The following SEPTIN9 variants were observed in gnomAD, a reference collection of about 807,000 sequenced individuals.
The protein encoded by SEPTIN9 is septin-9.
In SEPTIN9, 13 loss-of-function variants were observed where a neutral mutation model predicts 56.6. The observed-to-expected ratio is 0.23, with a 90% CI of 0.15 to 0.37. The LOEUF is 0.37. Ranked by LOEUF, SEPTIN9 falls within the 10% of genes least tolerant of loss-of-function variation. SEPTIN9 has a pLI of 1.00. For missense variants in SEPTIN9, 650 were observed against 823.1 expected, an observed-to-expected ratio of 0.79 and a Z score of 2.57; for synonymous variants, 332 against 334.1, an observed-to-expected ratio of 0.99 and a Z score of 0.07.
rs1361215095 is a variant in SEPTIN9, at chr17:77,456,016, T to C, written c.722-26128T>C. On this transcript the variant is annotated intron_variant, in intron 3 of 11. Coordinates refer to ENST00000427177, the MANE Select transcript of SEPTIN9 (RefSeq NM_001113491.2). The surrounding 1 kb of genome is among the most constrained non-coding windows in gnomAD (Gnocchi z 6.0). ...GGAAGATTCCCGGCACCGCTTCCCA[T>C]GCGCCACGTGACTAGGAGGGTCTTG... is the stretch of plus-strand genomic sequence containing the variant. Among the ~76,000 whole-genome samples the C allele has an allele frequency of 6.6e-6, 1 of 152,174 alleles. No homozygotes were observed. The highest frequency in any genetic ancestry group is 1.5e-5 in the Non-Finnish European group (1 of 68,024).
intron 2 of SEPTIN9, among the ~76,000 whole-genome samples, chr17:77,354,599 G>C (rs1239294272): frequency 6.6e-6 from 1 of 152,164 alleles, no homozygotes; most frequent in Non-Finnish European, 1.5e-5. Flanking sequence ...GGCCGCTGCC[G>C]GGTGGACAGG....
At position 77,497,192 on chromosome 17, in the gene SEPTIN9, G is replaced by T; in HGVS notation, c.1574-123G>T. The T allele has an allele frequency of 3.1e-6, 3 of 960,474 alleles. No individual in the cohort carries two copies. The South Asian group carries it at 4.1e-5, about 13-fold the overall frequency. The allele number at this position is 960,474 out of a possible 1,614,324, so 59.5% of individuals were successfully genotyped here. A position where few individuals can be genotyped will look rare whatever the true frequency, so the allele number is the denominator to read the frequency against. On this transcript the variant is annotated intron_variant, in intron 10 of 11. Coordinates refer to ENST00000427177, the MANE Select transcript of SEPTIN9 (RefSeq NM_001113491.2). Reference sequence around the variant, plus strand: ...GAGCAGGTGGTTCCCCTGCCCTCCTGCCCATGGGGCTGCCCTCAGACTCTG... The same window carrying T: ...GAGCAGGTGGTTCCCCTGCCCTCCTTCCCATGGGGCTGCCCTCAGACTCTG...
chr17:77,431,964 G>A (rs930435272), intron 3 of SEPTIN9, among the ~76,000 whole-genome samples: 1 of 152,044 alleles, frequency 6.6e-6, no homozygotes, highest in Non-Finnish European at 1.5e-5. Context: ...GGTACTGGAT[G>A]TTCAAAAAAA....
intron 3 of SEPTIN9, among the ~76,000 whole-genome samples, chr17:77,466,889 C>G (rs892353331): frequency 4.6e-5 from 7 of 152,098 alleles, no homozygotes; most frequent in Admixed American, 3.3e-4. Flanking sequence ...ACCGGTCAGC[C>G]CTGGGGTCAG....
rs1246813663 is a variant in SEPTIN9 at position 77,369,111 on chromosome 17, G to A, written c.77-32948G>A. Among the ~76,000 whole-genome samples, 8 of 152,190 alleles carry A rather than the reference G, an allele frequency of 5.3e-5. No homozygotes were observed. The East Asian group carries it at 1.5e-3, about 29-fold the overall frequency. ...TAGCCAGGAGTGGTGGCGGGTGCCT[G>A]TAATCCGAGCTACTTGGGAGGCTGA... On this transcript the variant is annotated intron_variant, in intron 2 of 11. Coordinates refer to ENST00000427177, the MANE Select transcript of SEPTIN9 (RefSeq NM_001113491.2). The surrounding 1 kb of genome is among the most constrained non-coding windows in gnomAD (Gnocchi z 4.9).
At position 77,435,264 on chromosome 17, in the gene SEPTIN9, C is replaced by T. The variant is rs1008014854; in HGVS notation, c.721+32561C>T. Among the ~76,000 whole-genome samples, 5 of 152,162 alleles carry T rather than the reference C, an allele frequency of 3.3e-5. No individual in the cohort carries two copies. The highest frequency in any genetic ancestry group is 1.2e-4 in the African/African-American group (5 of 41,428). On this transcript the variant is annotated intron_variant, in intron 3 of 11. Transcript: ENST00000427177. This position sits in a 1 kb window ranked among gnomAD's most constrained non-coding sequence, Gnocchi z 4.5. The stretch of plus-strand genomic sequence containing the variant: ...TAACCACTGTCATTTACCTCTTCGG[C>T]CAGCCCTCTGATTGCAAAACCTGAG...
chr17:77,325,759 G>A (rs2033111208), intron 2 of SEPTIN9, among the ~76,000 whole-genome samples: 1 of 152,200 alleles, frequency 6.6e-6, no homozygotes, highest in Non-Finnish European at 1.5e-5. Context: ...CTGTGCCTTT[G>A]TCTGCTTCCT....
At chr17:77,418,503 A>C (rs312911) in intron 3 of SEPTIN9, among the ~76,000 whole-genome samples, 61,703 of 151,888 alleles carry the variant, frequency 0.41, 13,050 homozygotes, top group African/African-American at 0.5. Context: ...TCACCATGGC[A>C]GGCTAGTTTT....
At chr17:77,482,053 C>T (rs1568107627) in intron 3 of SEPTIN9, 91 bp from the exon 4 acceptor site, 1 of 1,247,360 alleles carries the variant, frequency 8.0e-7, no homozygotes, top group East Asian at 2.6e-5. Flanking sequence ...GCCTCAGTTT[C>T]CCCATCCAAG....
chr17:77,285,829 C>G (rs2031251139), intron 1 of SEPTIN9, among the ~76,000 whole-genome samples: 1 of 152,238 alleles, frequency 6.6e-6, no homozygotes, highest in Non-Finnish European at 1.5e-5. Context: ...GAAGCAGCTT[C>G]TGCCGTGATT....
intron 2 of SEPTIN9, among the ~76,000 whole-genome samples, chr17:77,378,347 G>A (rs1014943863): frequency 2.3e-4 from 35 of 152,108 alleles, no homozygotes; most frequent in African/African-American, 7.7e-4. Flanking sequence ...GGGCGGCTTC[G>A]GTTTCTTCAG....
rs1448901736 is a variant in SEPTIN9, at chr17:77,373,628, GGTGCGCTGAGGGGAGACGGGA to G, written c.77-28409_77-28389del. Reference sequence around the variant, plus strand: ...GCGGGTGGGCCTGGCGCGGGACGGGGGTGCGCTGAGGGGAGACGGGAGTGCGCTGAGGGGAGACGGGACCCC... The same window carrying G: ...GCGGGTGGGCCTGGCGCGGGACGGGGGTGCGCTGAGGGGAGACGGGACCCC... On this transcript the variant is annotated intron_variant, in intron 2 of 11. Transcript: ENST00000427177. 9.2e-4 allele frequency: 1,390 copies of G among 1,518,784 alleles called. 2 individuals carry two copies. In the Middle Eastern group the frequency reaches 0.013, roughly 14 times the overall value. 94.1% of individuals were successfully genotyped at this position (1,518,784 alleles called of 1,614,324 possible). A position where few individuals can be genotyped will look rare whatever the true frequency, so the allele number is the denominator to read the frequency against.
intron 3 of SEPTIN9, among the ~76,000 whole-genome samples, chr17:77,417,656 A>G (rs1268956714): frequency 6.6e-6 from 1 of 152,224 alleles, no homozygotes; most frequent in Non-Finnish European, 1.5e-5. Context: ...ATACCAGACA[A>G]GGGCCGGTAA....
intron 3 of SEPTIN9, chr17:77,481,826 C>T (rs2143210485): frequency 2.4e-6 from 1 of 413,772 alleles, no homozygotes; most frequent in East Asian, 4.6e-5. Context: ...TCAGGGTCAG[C>T]CCTGCCTTGG....
rs1050157187 is a variant in SEPTIN9, at chr17:77,327,389, C to T, written c.76+20192C>T. Among the ~76,000 whole-genome samples, 1 of 152,190 alleles carries T rather than the reference C, an allele frequency of 6.6e-6. No homozygotes were observed. Among genetic ancestry groups the T allele is most frequent in the East Asian group, 1.9e-4 (1 of 5,186 alleles). ...CGCTCGCTGTGTGCCCCCGCCTGGC[C>T]CCATGCATCCCGCACGGTGCTCCCC... On this transcript the variant is annotated intron_variant, in intron 2 of 11. Transcript: ENST00000427177. The surrounding 1 kb of genome is among the most constrained non-coding windows in gnomAD (Gnocchi z 5.0).
At chr17:77,286,871 C>G (rs1211409610) in intron 1 of SEPTIN9, among the ~76,000 whole-genome samples, 2 of 152,194 alleles carry the variant, frequency 1.3e-5, no homozygotes, top group African/African-American at 4.8e-5. Flanking sequence ...AGGCTCCAGG[C>G]CCCTAGGGGT....
intron 11 of SEPTIN9, 54 bp from the exon 12 acceptor site, chr17:77,498,462 CCCCGCTG>C: frequency 4.4e-6 from 3 of 680,848 alleles, no homozygotes; most frequent in Admixed American, 2.3e-5. Context: ...AGGGCCCCTG[CCCCGCTG>C]CCCCCACCCC....
At chr17:77,281,597 A>C in intron 1 of SEPTIN9, 43 bp downstream of exon 1, 1 of 1,524,126 alleles carries the variant, frequency 6.6e-7, no homozygotes, top group South Asian at 1.2e-5. Context: ...GTGTCCCGGG[A>C]CCAGCGCTGC....
At chr17:77,290,126 G>A (rs1832271074) in intron 1 of SEPTIN9, among the ~76,000 whole-genome samples, 1 of 152,142 alleles carries the variant, frequency 6.6e-6, no homozygotes, top group African/African-American at 2.4e-5. Flanking sequence ...GCTCCTCCTT[G>A]ATGGTGTGGG....
Sources: gnomAD v4.1 joint callset for allele counts (sites outside exome capture counted in the v4.1 genomes callset) on GRCh38, gnomAD v4.1.1 for gene constraint, Gnocchi (gnomAD v3.1) non-coding constraint, MANE v1.5 for transcripts, NCBI Gene and HGNC (gene_info 2026-07-23, HGNC 2026-07-21) for gene names.